USH2A: variants seen among roughly 807,000 people sequenced by gnomAD.
The protein encoded by USH2A is Usher syndrome 2A (autosomal recessive, mild).
Under a neutral mutation model 538.9 loss-of-function variants are expected in USH2A, and 443 were observed. The observed-to-expected ratio is 0.82, with a 90% CI of 0.76 to 0.89. The LOEUF is 0.89. Among genes scored for constraint, USH2A ranks in the 40% least tolerant of loss-of-function variants. The pLI is 0.00. For missense variants in USH2A, 6,633 were observed against 6,324.8 expected (o/e 1.05, Z -1.65); for synonymous variants, 2,413 against 2,273.5 (o/e 1.06, Z -1.75).
intron 60 of USH2A, among the ~76,000 whole-genome samples, chr1:215,737,028 T>C (rs763296300): frequency 2.6e-5 from 4 of 151,998 alleles, no homozygotes; most frequent in Non-Finnish European, 5.9e-5. Flanking sequence ...AGAGAATTGC[T>C]GTGGTAACGA....
chr1:216,075,419 A>G (rs1318646514), intron 27 of USH2A, among the ~76,000 whole-genome samples: 1 of 152,172 alleles, frequency 6.6e-6, no homozygotes, highest in Non-Finnish European at 1.5e-5. Flanking sequence ...AGGAGTGGAA[A>G]TGCTTTCTTT....
chr1:216,000,960 G>A (rs1668253255), intron 32 of USH2A, among the ~76,000 whole-genome samples: 1 of 152,100 alleles, frequency 6.6e-6, no homozygotes. Flanking sequence ...TACATAGCTT[G>A]TAACAATGAC....
chr1:216,288,706 T>C (rs1352923225), intron 11 of USH2A, among the ~76,000 whole-genome samples: 2 of 152,204 alleles, frequency 1.3e-5, no homozygotes, highest in East Asian at 1.9e-4. Flanking sequence ...AGAAGCCTGT[T>C]TTCCTGCTTG....
At position 215,779,895 on chromosome 1, in the gene USH2A, C is replaced by A; in HGVS notation, c.10887G>T (p.Gly3629=). ...VIKEYQIRQV[G]KGLIHTDTTD... ...TGGTGTCAGTGTGGATGAGACCTTT[C>A]CCAACCTGCCTGATCTGGTACTCTT... The change falls in exon 55 of 72, where the codon GGG becomes GGT. Residue 3629 remains glycine, a synonymous_variant. Transcript: ENST00000307340. The A allele has an allele frequency of 1.2e-6, 2 of 1,614,052 alleles. No homozygotes were observed. The highest frequency in any genetic ancestry group is 1.7e-6 in the Non-Finnish European group (2 of 1,180,012).
intron 60 of USH2A, among the ~76,000 whole-genome samples, chr1:215,740,836 C>G (rs181066104): frequency 1.3e-3 from 199 of 152,272 alleles, no homozygotes; most frequent in African/African-American, 4.5e-3. Flanking sequence ...CTCAGATCAT[C>G]AGGCATTAGA....
chr1:216,334,471 C>G (rs2037931904), intron 4 of USH2A, among the ~76,000 whole-genome samples: 1 of 151,920 alleles, frequency 6.6e-6, no homozygotes, highest in Non-Finnish European at 1.5e-5. Flanking sequence ...TTGTAACTAC[C>G]TTATCAGTCA....
At chr1:216,120,045 A>C (rs989122562) in intron 21 of USH2A, among the ~76,000 whole-genome samples, 2 of 152,112 alleles carry the variant, frequency 1.3e-5, no homozygotes. Context: ...GATTTAGAAT[A>C]AAATAAGTAC....
intron 21 of USH2A, among the ~76,000 whole-genome samples, chr1:216,113,650 G>T (rs1396638672): frequency 2.6e-5 from 4 of 151,878 alleles, no homozygotes; most frequent in African/African-American, 9.7e-5. Flanking sequence ...CACATTAAGG[G>T]TATGGTTTCT....
At chr1:216,358,456 G>C (rs1192357574) in intron 4 of USH2A, among the ~76,000 whole-genome samples, 1 of 152,042 alleles carries the variant, frequency 6.6e-6, no homozygotes. Context: ...AAGTATGGAG[G>C]ACAGTGACTT....
At chr1:216,110,395 G>T (rs1558263490) in intron 21 of USH2A, among the ~76,000 whole-genome samples, 1 of 152,026 alleles carries the variant, frequency 6.6e-6, no homozygotes, top group Non-Finnish European at 1.5e-5. Flanking sequence ...CAGTAATAAA[G>T]AAATGGATTA....
chr1:216,392,524 G>C (rs2039129061), intron 3 of USH2A, among the ~76,000 whole-genome samples: 2 of 139,274 alleles, frequency 1.4e-5, no homozygotes, highest in African/African-American at 5.3e-5. Context: ...AAAATCCAAA[G>C]TGTAGCAGTT....
chr1:215,629,456 G>C (rs1656185688), intron 70 of USH2A, among the ~76,000 whole-genome samples: 1 of 152,096 alleles, frequency 6.6e-6, no homozygotes, highest in East Asian at 1.9e-4. Flanking sequence ...TCCTCCCCCA[G>C]AACAGCCAAA....
intron 44 of USH2A, among the ~76,000 whole-genome samples, chr1:215,856,306 C>G (rs935363186): frequency 8.5e-5 from 13 of 152,154 alleles, no homozygotes; most frequent in Admixed American, 5.2e-4. Flanking sequence ...GGACTAATAT[C>G]CAGAATCTAC....
At chr1:216,152,598 CAG>C (rs934048732) in intron 21 of USH2A, among the ~76,000 whole-genome samples, 2 of 152,186 alleles carry the variant, frequency 1.3e-5, no homozygotes, top group African/African-American at 4.8e-5. Flanking sequence ...ACTCTCTTTT[CAG>C]ACTCAGCCCG....
intron 11 of USH2A, among the ~76,000 whole-genome samples, chr1:216,283,851 A>T (rs1439807857): frequency 1.3e-5 from 2 of 152,000 alleles, no homozygotes; most frequent in African/African-American, 4.8e-5. Flanking sequence ...TTCACTTTGC[A>T]TATTGAATAT....
At chr1:216,389,507 A>G (rs1461936260) in intron 3 of USH2A, among the ~76,000 whole-genome samples, 1 of 152,200 alleles carries the variant, frequency 6.6e-6, no homozygotes, top group Non-Finnish European at 1.5e-5. Flanking sequence ...TAATTAAAAT[A>G]AAACAATTTT....
At chr1:216,016,427 C>T (rs1668713103) in intron 32 of USH2A, among the ~76,000 whole-genome samples, 1 of 152,134 alleles carries the variant, frequency 6.6e-6, no homozygotes. Context: ...TGAACACAAA[C>T]CACATACTAA....
intron 21 of USH2A, among the ~76,000 whole-genome samples, chr1:216,154,708 T>A (rs1387777292): frequency 6.6e-6 from 1 of 152,330 alleles, no homozygotes; most frequent in East Asian, 1.9e-4. Context: ...ATACATTAAT[T>A]ATTATTAAGA....
chr1:216,136,150 A>T (rs1404689942), intron 21 of USH2A, among the ~76,000 whole-genome samples: 4 of 152,142 alleles, frequency 2.6e-5, no homozygotes, highest in Non-Finnish European at 4.4e-5. Flanking sequence ...ATGTACCCAA[A>T]CCAGCAGGAG....
Sources: gnomAD v4.1 joint callset for allele counts (sites outside exome capture counted in the v4.1 genomes callset) on GRCh38, gnomAD v4.1.1 for gene constraint, MANE v1.5 for transcripts, NCBI Gene and HGNC (gene_info 2026-07-23, HGNC 2026-07-21) for gene names.